Variants in HS3ST4 observed in about 807,000 individuals in gnomAD.
HS3ST4 encodes the protein heparan sulfate-glucosamine 3-sulfotransferase 4.
Under a neutral mutation model 29.2 loss-of-function variants are expected in HS3ST4, and 17 were observed. The observed-to-expected ratio is 0.58, with a 90% confidence interval of 0.40 to 0.87. The LOEUF (loss-of-function observed/expected upper bound fraction) is 0.87, where lower values mean the gene tolerates loss of function less well. HS3ST4 is among the 40% of genes least tolerant of loss of function. HS3ST4 has a pLI of 0.00. For missense variants in HS3ST4, 627 were observed against 634.5 expected (o/e 0.99, Z 0.13); for synonymous variants, 314 against 285.7 (o/e 1.10, Z -1.00).
intron 1 of HS3ST4, among the ~76,000 whole-genome samples, chr16:26,104,090 T>C (rs1899021247): frequency 6.6e-6 from 1 of 152,208 alleles, no homozygotes; most frequent in Non-Finnish European, 1.5e-5. Flanking sequence ...GTTTCAATGA[T>C]GTAACCACTA....
chr16:25,739,378 CA>C (rs200217064), intron 1 of HS3ST4, among the ~76,000 whole-genome samples: 1 of 151,782 alleles, frequency 6.6e-6, no homozygotes, highest in Non-Finnish European at 1.5e-5. Context: ...AATAAACGAA[CA>C]AAAAAAACTT....
intron 1 of HS3ST4, among the ~76,000 whole-genome samples, chr16:25,899,565 G>C (rs1968102502): frequency 6.6e-6 from 1 of 152,016 alleles, no homozygotes; most frequent in African/African-American, 2.4e-5. Flanking sequence ...GAGTGCAGTG[G>C]TGCGATCTCA....
At chr16:25,694,725 G>A (rs1966281008) in intron 1 of HS3ST4, among the ~76,000 whole-genome samples, 1 of 151,502 alleles carries the variant, frequency 6.6e-6, no homozygotes, top group Admixed American at 6.6e-5. Context: ...GAATGTTCTG[G>A]TTTCTTCTGT....
At chr16:25,695,354 A>G (rs898992806) in intron 1 of HS3ST4, among the ~76,000 whole-genome samples, 2 of 152,184 alleles carry the variant, frequency 1.3e-5, no homozygotes, top group African/African-American at 4.8e-5. Flanking sequence ...CTTCCTGCCA[A>G]TACATGTCTG....
At chr16:25,727,181 C>G (rs1966541792) in intron 1 of HS3ST4, among the ~76,000 whole-genome samples, 2 of 151,948 alleles carry the variant, frequency 1.3e-5, no homozygotes, top group African/African-American at 4.8e-5. Flanking sequence ...CAAAAAGGAC[C>G]CATATATATA....
rs770057072 is a variant in HS3ST4, at chr16:26,136,161, G to A, written c.1284G>A (p.Leu428=). Residue 428 remains leucine, a synonymous_variant, in exon 2 of 2, where the codon CTG becomes CTA. Coordinates refer to ENST00000331351, the MANE Select transcript of HS3ST4 (RefSeq NM_006040.3). ...TTGACCCAGATGTCATCCACAGACTGAGGAAATTCTACAAACCCTTCAACT... is the reference window on the plus strand; with the variant it reads ...TTGACCCAGATGTCATCCACAGACTAAGGAAATTCTACAAACCCTTCAACT... The part of the protein sequence containing the change: ...PRIDPDVIHR[L]RKFYKPFNLM... 2 of 1,613,338 alleles carry A rather than the reference G, an allele frequency of 1.2e-6. No individual in the cohort carries two copies. Among genetic ancestry groups the A allele is most frequent in the Non-Finnish European group, 1.7e-6 (2 of 1,179,612 alleles).
intron 1 of HS3ST4, among the ~76,000 whole-genome samples, chr16:25,811,763 A>G (rs1303644759): frequency 6.6e-6 from 1 of 152,134 alleles, no homozygotes; most frequent in East Asian, 1.9e-4. Context: ...AGCTTACTTT[A>G]TTGTAAGAAT....
chr16:26,055,457 G>A (rs989450979), intron 1 of HS3ST4, among the ~76,000 whole-genome samples: 6 of 152,152 alleles, frequency 3.9e-5, no homozygotes, highest in African/African-American at 1.4e-4. Flanking sequence ...TGGTGGCTGG[G>A]AACTGAGGGG....
chr16:25,743,192 T>C (rs1313434583), intron 1 of HS3ST4, among the ~76,000 whole-genome samples: 1 of 152,172 alleles, frequency 6.6e-6, no homozygotes, highest in Non-Finnish European at 1.5e-5. Context: ...CTGTGTGGGC[T>C]CCGAGGACCA....
At chr16:25,805,887 G>GT (rs1338654463) in intron 1 of HS3ST4, among the ~76,000 whole-genome samples, 1 of 151,980 alleles carries the variant, frequency 6.6e-6, no homozygotes, top group Non-Finnish European at 1.5e-5. Context: ...CCCATTGTGT[G>GT]TTTTTCCCCT....
intron 1 of HS3ST4, among the ~76,000 whole-genome samples, chr16:25,983,054 G>T (rs114759259): frequency 5.3e-5 from 8 of 152,174 alleles, no homozygotes; most frequent in Non-Finnish European, 8.8e-5. Context: ...AGGGAGATAT[G>T]TGATGTCCAA....
intron 1 of HS3ST4, among the ~76,000 whole-genome samples, chr16:25,933,697 A>G (rs1415512079): frequency 3.3e-5 from 5 of 152,184 alleles, no homozygotes; most frequent in Non-Finnish European, 7.3e-5. Flanking sequence ...CTCGTGATGC[A>G]TGGTGCTGGC....
intron 1 of HS3ST4, among the ~76,000 whole-genome samples, chr16:25,716,346 G>A (rs1307794138): frequency 2.0e-5 from 3 of 152,196 alleles, no homozygotes; most frequent in Non-Finnish European, 2.9e-5. Context: ...TCTGGCTGAT[G>A]TGGCTTCATG....
At chr16:26,042,402 G>C (rs919356743) in intron 1 of HS3ST4, among the ~76,000 whole-genome samples, 1 of 151,982 alleles carries the variant, frequency 6.6e-6, no homozygotes, top group African/African-American at 2.4e-5. Flanking sequence ...TTGTAAAATG[G>C]AGCGTCCATT....
At chr16:25,983,336 T>C (rs754596343) in intron 1 of HS3ST4, among the ~76,000 whole-genome samples, 1 of 152,224 alleles carries the variant, frequency 6.6e-6, no homozygotes, top group Non-Finnish European at 1.5e-5. Context: ...ATCTCAGCTA[T>C]AAAATGAAAA....
chr16:25,949,576 A>T (rs1373807944), intron 1 of HS3ST4, among the ~76,000 whole-genome samples: 1 of 152,182 alleles, frequency 6.6e-6, no homozygotes, highest in East Asian at 1.9e-4. Context: ...AGGGGAAGAG[A>T]GACTTCAGTG....
At chr16:25,875,019 C>T (rs925361231) in intron 1 of HS3ST4, among the ~76,000 whole-genome samples, 4 of 152,068 alleles carry the variant, frequency 2.6e-5, no homozygotes, top group Admixed American at 1.3e-4. Flanking sequence ...TTGCCTTGCC[C>T]GTTGTAGTTC....
chr16:25,936,545 G>C (rs890298785), intron 1 of HS3ST4, among the ~76,000 whole-genome samples: 2 of 152,206 alleles, frequency 1.3e-5, no homozygotes, highest in African/African-American at 4.8e-5. Flanking sequence ...TCTAAGAAGT[G>C]TTGTTTGATC....
At chr16:25,841,620 ATCT>A (rs1967413900) in intron 1 of HS3ST4, among the ~76,000 whole-genome samples, 1 of 152,124 alleles carries the variant, frequency 6.6e-6, no homozygotes, top group South Asian at 2.1e-4. Flanking sequence ...ATATTAAATA[ATCT>A]TCTAATATTT....
Sources: allele counts gnomAD v4.1 joint callset (sites outside exome capture counted in the v4.1 genomes callset), GRCh38; gene constraint gnomAD v4.1.1; transcripts MANE v1.5; gene names NCBI Gene and HGNC (gene_info 2026-07-23, HGNC 2026-07-21).